AGMO: variants seen among roughly 807,000 people sequenced by gnomAD.
AGMO encodes glyceryl-ether monooxygenase.
AGMO carries 75 observed loss-of-function variants against 60.2 expected under a neutral mutation model. That is an observed-to-expected ratio of 1.25 (90% CI 1.03 to 1.51). The LOEUF is 1.51. AGMO is among the 40% of genes most tolerant of loss of function. The probability of loss-of-function intolerance (pLI) is 0.00; values close to 1 mark genes in which losing one functional copy is unlikely to be tolerated. For missense variants in AGMO, 763 were observed against 525.5 expected (o/e 1.45, Z -4.42); for synonymous variants, 261 against 177.1 (o/e 1.47, Z -3.76).
At chr7:15,355,418 G>A (rs1782488668) in intron 12 of AGMO, among the ~76,000 whole-genome samples, 1 of 148,582 alleles carries the variant, frequency 6.7e-6, no homozygotes, top group South Asian at 2.1e-4. Context: ...AAGGAGAACA[G>A]CGTGAACCTG....
rs1784557041 is a variant in AGMO at position 15,401,727 on chromosome 7, T to C, written c.610-7548A>G. ...GATGCTTACAAATATTTATGATTCT[T>C]GTCTGAGAGGGAAAAATCATAATAG... On this transcript the variant is annotated intron_variant, in intron 5 of 12. Coordinates refer to ENST00000342526, the MANE Select transcript of AGMO (RefSeq NM_001004320.2). 2.0e-5 allele frequency among the ~76,000 whole-genome samples: 3 copies of C among 152,150 alleles called. No homozygotes were observed. In the South Asian group the frequency reaches 6.2e-4, roughly 31 times the overall value.
chr7:15,453,048 C>T (rs1405840178), intron 3 of AGMO, among the ~76,000 whole-genome samples: 2 of 151,904 alleles, frequency 1.3e-5, no homozygotes, highest in African/African-American at 4.8e-5. Context: ...AGTAGATTAG[C>T]GGCTGCCAAG....
At chr7:15,252,875 G>C (rs1334026107) in intron 12 of AGMO, among the ~76,000 whole-genome samples, 2 of 152,274 alleles carry the variant, frequency 1.3e-5, no homozygotes, top group East Asian at 3.9e-4. Flanking sequence ...GAAAAGACAA[G>C]AGATCATGAC....
chr7:15,433,820 T>C (rs1037272109), intron 3 of AGMO, among the ~76,000 whole-genome samples: 3 of 151,910 alleles, frequency 2.0e-5, no homozygotes, highest in African/African-American at 7.2e-5. Flanking sequence ...TTAGAAATGA[T>C]TATGCTGCTT....
intron 12 of AGMO, among the ~76,000 whole-genome samples, chr7:15,217,604 C>T (rs1345761270): frequency 1.3e-5 from 2 of 151,792 alleles, no homozygotes; most frequent in Admixed American, 1.3e-4. Flanking sequence ...CAAATAGAAA[C>T]ATCTTAAATT....
chr7:15,124,203 C>A, the AGMO span, among the ~76,000 whole-genome samples: 1 of 152,136 alleles, frequency 6.6e-6, no homozygotes, highest in East Asian at 1.9e-4. Context: ...AACCACCCAA[C>A]CAGCAAACCT....
intron 12 of AGMO, among the ~76,000 whole-genome samples, chr7:15,332,662 T>A (rs928113570): frequency 1.3e-5 from 2 of 152,058 alleles, no homozygotes; most frequent in African/African-American, 4.8e-5. Flanking sequence ...ATAATTAATA[T>A]GAAATGAGAT....
chr7:15,230,374 G>C (rs985780131), intron 12 of AGMO, among the ~76,000 whole-genome samples: 2 of 152,062 alleles, frequency 1.3e-5, no homozygotes, highest in Non-Finnish European at 2.9e-5. Context: ...CAATCGAGGA[G>C]TTCATCTCCT....
intron 3 of AGMO, among the ~76,000 whole-genome samples, chr7:15,529,791 T>TA (rs1171028936): frequency 3.5e-5 from 3 of 86,288 alleles, no homozygotes; most frequent in South Asian, 7.1e-4. Context: ...TCTATATATA[T>TA]TTCTCTATAT....
At chr7:15,239,723 A>G (rs1313429789) in intron 12 of AGMO, among the ~76,000 whole-genome samples, 3 of 152,248 alleles carry the variant, frequency 2.0e-5, no homozygotes, top group Admixed American at 6.5e-5. Flanking sequence ...TTCATTTGCT[A>G]TCAATCAACT....
At chr7:15,165,289 T>G in the AGMO span, among the ~76,000 whole-genome samples, 2 of 152,120 alleles carry the variant, frequency 1.3e-5, no homozygotes, top group African/African-American at 4.8e-5. Flanking sequence ...CAGTGTTCAC[T>G]ATTCAGGTGA....
At chr7:15,365,653 T>C in intron 11 of AGMO, 34 bp from the exon 12 acceptor site, 1 of 1,400,162 alleles carries the variant, frequency 7.1e-7, no homozygotes, top group Non-Finnish European at 1.0e-6. Context: ...GCATTAGCTT[T>C]AAATATGCTC....
chr7:15,312,401 T>A (rs1780793181), intron 12 of AGMO, among the ~76,000 whole-genome samples: 2 of 152,012 alleles, frequency 1.3e-5, no homozygotes, highest in Admixed American at 6.6e-5. Context: ...AAAGGCAAGT[T>A]TCCTTTAAGT....
intron 3 of AGMO, among the ~76,000 whole-genome samples, chr7:15,518,577 G>T (rs1305823907): frequency 1.3e-5 from 2 of 152,092 alleles, no homozygotes; most frequent in African/African-American, 4.8e-5. Flanking sequence ...TGCAGAAGAG[G>T]GGCCTCACTG....
downstream of AGMO, among the ~76,000 whole-genome samples, chr7:15,199,882 T>C (rs1444368585): frequency 1.3e-5 from 2 of 152,212 alleles, no homozygotes; most frequent in Non-Finnish European, 2.9e-5. Context: ...CAAAATTTAA[T>C]CTTCCTCTGC....
intron 3 of AGMO, among the ~76,000 whole-genome samples, chr7:15,492,468 C>A (rs1783092515): frequency 6.6e-6 from 1 of 151,754 alleles, no homozygotes; most frequent in East Asian, 1.9e-4. Context: ...ATAGAATCTT[C>A]TAGAATTGCA....
chr7:15,323,104 G>A (rs1228562681), intron 12 of AGMO, among the ~76,000 whole-genome samples: 1 of 151,774 alleles, frequency 6.6e-6, no homozygotes, highest in East Asian at 1.9e-4. Context: ...AATAAGCCTA[G>A]TTAAAGATCA....
chr7:15,451,924 C>T (rs1415410529), intron 3 of AGMO, among the ~76,000 whole-genome samples: 1 of 152,122 alleles, frequency 6.6e-6, no homozygotes, highest in Non-Finnish European at 1.5e-5. Flanking sequence ...GAACACAACA[C>T]TCAGCAGTGT....
intron 12 of AGMO, among the ~76,000 whole-genome samples, chr7:15,238,458 T>C (rs544024242): frequency 6.6e-5 from 10 of 151,970 alleles, no homozygotes; most frequent in East Asian, 1.9e-4. Context: ...TTTGAGTTGA[T>C]AGATATCCCA....
Sources: gnomAD v4.1 joint callset for allele counts (sites outside exome capture counted in the v4.1 genomes callset) on GRCh38, gnomAD v4.1.1 for gene constraint, MANE v1.5 for transcripts, NCBI Gene and HGNC (gene_info 2026-07-23, HGNC 2026-07-21) for gene names.